Variants in BAZ2B observed in about 807,000 individuals in gnomAD.
The protein encoded by BAZ2B is bromodomain adjacent to zinc finger domain 2B.
In BAZ2B, 91 loss-of-function variants were observed where a neutral mutation model predicts 246.0. The ratio of observed to expected loss-of-function variants is 0.37; its 90% confidence interval spans 0.31 to 0.44. The LOEUF is 0.44. Among genes scored for constraint, BAZ2B ranks in the 20% least tolerant of loss-of-function variants. The pLI is 1.00. For missense variants in BAZ2B, 2,332 were observed against 2,533.7 expected, an observed-to-expected ratio of 0.92 and a Z score of 1.71; for synonymous variants, 855 against 860.0, an observed-to-expected ratio of 0.99 and a Z score of 0.10.
At chr2:159,368,150 G>A (rs1265078110) in intron 27 of BAZ2B, among the ~76,000 whole-genome samples, 1 of 152,082 alleles carries the variant, frequency 6.6e-6, no homozygotes, top group Non-Finnish European at 1.5e-5. Context: ...ATCTTGTTTT[G>A]CTCAAGTGAT....
Position 159,430,860 on chromosome 2 carries a change from T to TA in BAZ2B, c.2194+2dup, listed in dbSNP as rs1249083673. ...TAGAATAATAAAAATAAAGTGTAGG[T>TA]ACCAGAGTGTGGGCTTGAAGTAAGT... On this transcript the variant is annotated splice_region_variant and intron_variant, in intron 10 of 36. Transcript: ENST00000392783. 6.2e-7 allele frequency: 1 copy of TA among 1,612,338 alleles called. No homozygotes were observed. Among genetic ancestry groups the TA allele is most frequent in the South Asian group, 1.1e-5 (1 of 90,700 alleles).
intron 34 of BAZ2B, among the ~76,000 whole-genome samples, chr2:159,330,122 A>G (rs191610962): frequency 6.6e-6 from 1 of 152,348 alleles, no homozygotes; most frequent in Non-Finnish European, 1.5e-5. Context: ...GCCATGTAAG[A>G]CCACTTGCTA....
At chr2:159,431,237 C>G in intron 9 of BAZ2B, 81 bp from the exon 10 acceptor site, 1 of 1,491,074 alleles carries the variant, frequency 6.7e-7, no homozygotes, top group Non-Finnish European at 8.9e-7. Flanking sequence ...TGGACTAGCT[C>G]AGGAACCAGC....
chr2:159,479,011 C>G (rs1487451465), intron 2 of BAZ2B, among the ~76,000 whole-genome samples: 1 of 152,046 alleles, frequency 6.6e-6, no homozygotes, highest in Non-Finnish European at 1.5e-5. Flanking sequence ...CATAAATTAA[C>G]ATGTTATATT....
rs13394670 is a variant in BAZ2B at position 159,584,620 on chromosome 2, T to C, written c.-45-28755A>G. ...GTCAACACAATTTGTTGACGCCTTATAAGTGGGATATGAGAGGAGTTAAGA... is the reference window on the plus strand; with the variant it reads ...GTCAACACAATTTGTTGACGCCTTACAAGTGGGATATGAGAGGAGTTAAGA... On this transcript the variant is annotated intron_variant, in intron 1 of 36. Transcript: ENST00000392783. Among the ~76,000 whole-genome samples, 1,102 of 152,258 alleles carry C rather than the reference T, an allele frequency of 7.2e-3. 19 individuals carry two copies. Among genetic ancestry groups the C allele is most frequent in the African/African-American group, 0.025 (1,052 of 41,548 alleles).
intron 27 of BAZ2B, among the ~76,000 whole-genome samples, chr2:159,352,066 C>A (rs2058624094): frequency 2.6e-5 from 4 of 152,204 alleles, no homozygotes; most frequent in African/African-American, 9.6e-5. Context: ...AAACTCCTAA[C>A]CAAGGCCTAC....
chr2:159,651,612 T>C, the BAZ2B span, among the ~76,000 whole-genome samples: 1 of 152,164 alleles, frequency 6.6e-6, no homozygotes, highest in Admixed American at 6.5e-5. Flanking sequence ...AACTTACCCC[T>C]TTGAAATATA....
intron 33 of BAZ2B, among the ~76,000 whole-genome samples, chr2:159,336,338 G>T (rs191504636): frequency 6.8e-4 from 104 of 152,278 alleles, no homozygotes; most frequent in African/African-American, 2.4e-3. Flanking sequence ...TTTGGTGCCT[G>T]ATACAAAATA....
chr2:159,395,776 T>A lies in BAZ2B; in HGVS notation c.3068A>T (p.Lys1023Ile). The A allele has an allele frequency of 6.2e-7, 1 of 1,609,830 alleles. No individual in the cohort carries two copies. Among genetic ancestry groups the A allele is most frequent in the Non-Finnish European group, 8.5e-7 (1 of 1,177,184 alleles). ...MLMKAMEARK[K>I]AEEKERLKQE... ...CTAGAAACATACACTTACTTCTGCT[T>A]TTTTACGAGCTTCCATAGCTTTCAT... Residue 1023 changes from lysine (K) to isoleucine (I), a missense_variant, in exon 20 of 37, where the codon AAA becomes ATA. Physicochemically the swap from Lys to Ile is moderately radical, Grantham distance 102 (BLOSUM62 -3). Around this residue, in one of 9 missense-constraint regions of BAZ2B, gnomAD observed 328 missense variants for 410.4 expected, o/e 0.80. Coordinates refer to ENST00000392783, the MANE Select transcript of BAZ2B (RefSeq NM_013450.4).
chr2:159,413,505 C>G (rs974724122), intron 13 of BAZ2B, among the ~76,000 whole-genome samples: 1 of 151,890 alleles, frequency 6.6e-6, no homozygotes, highest in South Asian at 2.1e-4. Flanking sequence ...GTCAGGAGTT[C>G]GAGACCAGCC....
At chr2:159,351,967 T>C (rs1361879731) in intron 27 of BAZ2B, among the ~76,000 whole-genome samples, 1 of 152,178 alleles carries the variant, frequency 6.6e-6, no homozygotes, top group Non-Finnish European at 1.5e-5. Flanking sequence ...TTCCCAGAAA[T>C]AGTATATACG....
At chr2:159,372,613 A>C (rs1032921638) in intron 27 of BAZ2B, among the ~76,000 whole-genome samples, 13 of 152,230 alleles carry the variant, frequency 8.5e-5, no homozygotes, top group Admixed American at 7.2e-4. Flanking sequence ...AAACATTAAC[A>C]AGATTTGAAA....
chr2:159,543,154 T>A (rs572782395), intron 2 of BAZ2B, among the ~76,000 whole-genome samples: 44 of 152,230 alleles, frequency 2.9e-4, no homozygotes, highest in Non-Finnish European at 5.3e-4. Flanking sequence ...CTATTACTTA[T>A]TATTATCATT....
chr2:159,602,908 G>C (rs1163954709), intron 1 of BAZ2B, among the ~76,000 whole-genome samples: 1 of 152,190 alleles, frequency 6.6e-6, no homozygotes, highest in African/African-American at 2.4e-5. Flanking sequence ...AGGCTGAGGA[G>C]GGTGGACTGC....
chr2:159,544,192 A>T (rs1169131820), intron 2 of BAZ2B, among the ~76,000 whole-genome samples: 1 of 151,526 alleles, frequency 6.6e-6, no homozygotes. Context: ...CTCATAGGGG[A>T]GGTACATACT....
chr2:159,337,484 A>G (rs1412653369), intron 32 of BAZ2B, 83 bp downstream of exon 32: 2 of 1,611,766 alleles, frequency 1.2e-6, no homozygotes, highest in Non-Finnish European at 1.7e-6. Context: ...CCACTAACGG[A>G]TGGTGCAGGA....
intron 36 of BAZ2B, among the ~76,000 whole-genome samples, chr2:159,324,315 T>C (rs1478531984): frequency 6.6e-6 from 1 of 152,214 alleles, no homozygotes; most frequent in Admixed American, 6.5e-5. Context: ...TATTCTCCAA[T>C]AACTCACATT....
At chr2:159,630,942 CCAA>C in the BAZ2B span, among the ~76,000 whole-genome samples, 1 of 152,112 alleles carries the variant, frequency 6.6e-6, no homozygotes, top group East Asian at 1.9e-4. Context: ...GTGTGTAGTC[CCAA>C]CATTTTGAGA....
chr2:159,676,280 G>A, the BAZ2B span, among the ~76,000 whole-genome samples: 88 of 151,818 alleles, frequency 5.8e-4, no homozygotes, highest in African/African-American at 1.1e-3. Flanking sequence ...CAATCCTCCC[G>A]CCTTGGCCTC....
Sources: gnomAD v4.1 joint callset for allele counts (sites outside exome capture counted in the v4.1 genomes callset) on GRCh38, gnomAD v4.1.1 for gene constraint, gnomAD v4.1.1 regional missense constraint, MANE v1.5 for transcripts, NCBI Gene and HGNC (gene_info 2026-07-23, HGNC 2026-07-21) for gene names.